The following UBE2E2 variants were observed in gnomAD, a reference collection of about 807,000 sequenced individuals.
UBE2E2 encodes the protein ubiquitin-conjugating enzyme E2 E2.
UBE2E2 carries 6 observed loss-of-function variants against 24.7 expected under a neutral mutation model. The ratio of observed to expected loss-of-function variants is 0.24; its 90% CI spans 0.13 to 0.48. The LOEUF is 0.48. Ranked by LOEUF, UBE2E2 falls within the 20% of genes least tolerant of loss-of-function variation. The probability of loss-of-function intolerance (pLI) is 0.99; values close to 1 mark genes in which losing one functional copy is unlikely to be tolerated. For synonymous variants in UBE2E2, 104 were observed against 83.6 expected, an observed-to-expected ratio of 1.24 and a Z score of -1.33; for missense variants, 169 against 245.0, an observed-to-expected ratio of 0.69 and a Z score of 2.07.
intron 3 of UBE2E2, among the ~76,000 whole-genome samples, chr3:23,431,064 G>A (rs1033617371): frequency 2.6e-4 from 40 of 152,268 alleles, no homozygotes; most frequent in African/African-American, 8.9e-4. Context: ...TTACAACAAT[G>A]GAGTGGGATG....
intron 4 of UBE2E2, among the ~76,000 whole-genome samples, chr3:23,510,041 A>AT (rs1203985303): frequency 5.3e-5 from 8 of 151,908 alleles, no homozygotes; most frequent in African/African-American, 4.8e-5. Context: ...TAAACATACG[A>AT]TTTTTTCTTT....
At chr3:23,328,266 A>G (rs1694959689) in intron 3 of UBE2E2, among the ~76,000 whole-genome samples, 1 of 152,214 alleles carries the variant, frequency 6.6e-6, no homozygotes, top group Admixed American at 6.5e-5. Context: ...TCTCTGTGTC[A>G]TCTTTGAATC....
chr3:23,291,685 T>A (rs1267124266), intron 3 of UBE2E2, among the ~76,000 whole-genome samples: 1 of 64,864 alleles, frequency 1.5e-5, no homozygotes, highest in African/African-American at 6.5e-5. Context: ...TTAAGGGGCT[T>A]TTTTTTTTTT....
chr3:23,392,703 A>G (rs909619443), intron 3 of UBE2E2, among the ~76,000 whole-genome samples: 10 of 152,310 alleles, frequency 6.6e-5, no homozygotes, highest in Admixed American at 3.9e-4. Flanking sequence ...TGCCTAGTAA[A>G]ATGTTAGCTC....
chr3:23,540,199 A>G (rs757544322), intron 5 of UBE2E2, among the ~76,000 whole-genome samples: 11 of 151,946 alleles, frequency 7.2e-5, no homozygotes, highest in Admixed American at 2.6e-4. Flanking sequence ...GAGTAGCTAA[A>G]TATTCTCAGA....
intron 3 of UBE2E2, among the ~76,000 whole-genome samples, chr3:23,333,217 G>C (rs557952038): frequency 2.0e-5 from 3 of 152,164 alleles, no homozygotes; most frequent in Non-Finnish European, 2.9e-5. Flanking sequence ...AGAGTCCTGA[G>C]CTTCTAGAGC....
intron 4 of UBE2E2, among the ~76,000 whole-genome samples, chr3:23,524,968 A>T (rs1694960236): frequency 6.6e-6 from 1 of 152,048 alleles, no homozygotes; most frequent in African/African-American, 2.4e-5. Context: ...TTATTGTCTT[A>T]TAGTCTTATA....
At chr3:23,490,207 A>C (rs923193459) in intron 3 of UBE2E2, among the ~76,000 whole-genome samples, 3 of 152,208 alleles carry the variant, frequency 2.0e-5, no homozygotes, top group African/African-American at 7.2e-5. Flanking sequence ...AAGTCTTTAT[A>C]ATCATAACCT....
At chr3:23,297,731 G>T (rs1367598244) in intron 3 of UBE2E2, among the ~76,000 whole-genome samples, 1 of 152,114 alleles carries the variant, frequency 6.6e-6, no homozygotes, top group Non-Finnish European at 1.5e-5. Context: ...GATGCCTCCA[G>T]CTTTGTTCTT....
intron 3 of UBE2E2, among the ~76,000 whole-genome samples, chr3:23,450,712 C>T (rs550731172): frequency 1.8e-4 from 27 of 152,144 alleles, no homozygotes; most frequent in East Asian, 7.7e-4. Flanking sequence ...TTCTACTTTA[C>T]GTTTTAATTT....
At chr3:23,368,528 T>G (rs1427993552) in intron 3 of UBE2E2, among the ~76,000 whole-genome samples, 3 of 152,210 alleles carry the variant, frequency 2.0e-5, no homozygotes, top group Non-Finnish European at 2.9e-5. Flanking sequence ...CAGGGTTTTC[T>G]CTATAAATTA....
intron 3 of UBE2E2, among the ~76,000 whole-genome samples, chr3:23,332,869 C>T (rs1695102454): frequency 6.6e-6 from 1 of 152,032 alleles, no homozygotes; most frequent in Non-Finnish European, 1.5e-5. Flanking sequence ...TAAAAGAAAC[C>T]CAGCACTTTA....
chr3:23,428,928 TAAAAAAA>T (rs34525850), intron 3 of UBE2E2, among the ~76,000 whole-genome samples: 68 of 75,890 alleles, frequency 9.0e-4, no homozygotes, highest in African/African-American at 3.3e-3. Flanking sequence ...CTCTGTCTCT[TAAAAAAA>T]AAAAAAAAAA....
intron 3 of UBE2E2, among the ~76,000 whole-genome samples, chr3:23,441,537 T>TGAAAAAAAAAAA (rs1698304573): frequency 2.4e-5 from 1 of 42,200 alleles, no homozygotes; most frequent in Non-Finnish European, 5.2e-5. Flanking sequence ...AGACTCCGTC[T>TGAAAAAAAAAAA]CAAAAAAAAA....
chr3:23,206,825 C>CT (rs1230925878), intron 1 of UBE2E2, among the ~76,000 whole-genome samples: 6 of 152,242 alleles, frequency 3.9e-5, no homozygotes, highest in Non-Finnish European at 7.4e-5. Context: ...TCCATTTGGA[C>CT]TAAGTTATAG....
At chr3:23,458,758 GA>G (rs768085976) in intron 3 of UBE2E2, among the ~76,000 whole-genome samples, 6 of 152,092 alleles carry the variant, frequency 3.9e-5, no homozygotes, top group Non-Finnish European at 7.4e-5. Context: ...GAAAAAGTTT[GA>G]ATTAGTGCAG....
chr3:23,293,808 A>G (rs1342555211), intron 3 of UBE2E2, among the ~76,000 whole-genome samples: 1 of 152,124 alleles, frequency 6.6e-6, no homozygotes, highest in Non-Finnish European at 1.5e-5. Flanking sequence ...TCTCTGGCAT[A>G]AACTTTGTTT....
intron 3 of UBE2E2, among the ~76,000 whole-genome samples, chr3:23,426,031 A>C (rs1204449817): frequency 6.6e-6 from 1 of 152,208 alleles, no homozygotes; most frequent in Non-Finnish European, 1.5e-5. Context: ...TGGGCAATGT[A>C]AGCAGAGAGG....
At chr3:23,213,739 C>T (rs756016654) in intron 2 of UBE2E2, among the ~76,000 whole-genome samples, 1 of 152,088 alleles carries the variant, frequency 6.6e-6, no homozygotes, top group Non-Finnish European at 1.5e-5. Flanking sequence ...ACCTTACCAG[C>T]GTAAAATAAT....
Sources: allele counts gnomAD v4.1 joint callset (sites outside exome capture counted in the v4.1 genomes callset), GRCh38; gene constraint gnomAD v4.1.1; transcripts MANE v1.5; gene names NCBI Gene and HGNC (gene_info 2026-07-23, HGNC 2026-07-21).